The following KDR variants were observed in gnomAD, a reference collection of about 807,000 sequenced individuals.
KDR encodes the protein kinase insert domain receptor, also known as vascular endothelial growth factor receptor 2.
Under a neutral mutation model 160.9 loss-of-function variants are expected in KDR, and 43 were observed. That is an observed-to-expected ratio of 0.27 (90% CI 0.21 to 0.34). The LOEUF is 0.34. Ranked by LOEUF, KDR falls within the 10% of genes least tolerant of loss-of-function variation. KDR has a pLI of 1.00. For synonymous variants in KDR, 617 were observed against 600.1 expected (o/e 1.03, Z -0.41); for missense variants, 1,469 against 1,666.4 (o/e 0.88, Z 2.06).
intron 5 of KDR, 127 bp from the exon 6 acceptor site, chr4:55,114,392 C>A: frequency 1.0e-6 from 1 of 968,286 alleles, no homozygotes; most frequent in Non-Finnish European, 1.6e-6. Flanking sequence ...CAGGCCTCAC[C>A]AATACTTGGT....
chr4:55,089,745 T>C lies in KDR; in HGVS notation c.3250A>G (p.Ile1084Val). The C allele has an allele frequency of 1.2e-6, 2 of 1,614,116 alleles. No individual in the cohort carries two copies. Among genetic ancestry groups the C allele is most frequent in the Non-Finnish European group, 1.7e-6 (2 of 1,179,994 alleles). ...PETIFDRVYT[I>V]QSDVWSFGVL... ...CCAAAAGACCAGACGTCACTCTGGATTGTGTACACTCTGTCAAAAATTGTT... is the reference window on the plus strand; with the variant it reads ...CCAAAAGACCAGACGTCACTCTGGACTGTGTACACTCTGTCAAAAATTGTT... The change falls in exon 24 of 30, where the codon ATC becomes GTC. Residue 1084 changes from isoleucine to valine, a missense_variant. Around this residue, in one of 7 missense-constraint regions of KDR, gnomAD observed 132 missense variants for 195.9 expected, o/e 0.67. Coordinates refer to ENST00000263923, the MANE Select transcript of KDR (RefSeq NM_002253.4).
intron 9 of KDR, among the ~76,000 whole-genome samples, chr4:55,108,289 TG>T (rs956073992): frequency 5.3e-5 from 8 of 152,102 alleles, no homozygotes; most frequent in Non-Finnish European, 1.2e-4. Context: ...AATGACTTTA[TG>T]GAAGTGTTGA....
Position 55,114,994 on chromosome 4 carries a change from C to T in KDR, c.538G>A (p.Asp180Asn). Reference sequence around the variant, plus strand: ...GGAATAGTAAAGCCCTTCTTGCTGTCCCAGGAAATTCTGTTACCATCAGGA... The same window carrying T: ...GGAATAGTAAAGCCCTTCTTGCTGTTCCAGGAAATTCTGTTACCATCAGGA... ...FVPDGNRISW[D>N]SKKGFTIPSY... Residue 180 changes from aspartate to asparagine, a missense_variant, in exon 5 of 30, where the codon GAC (aspartate) becomes AAC (asparagine). By Grantham distance (23) the Asp-to-Asn change is conservative (BLOSUM62 1). Around this residue, in one of 7 missense-constraint regions of KDR, gnomAD observed 792 missense variants for 840.9 expected, o/e 0.94. Transcript: ENST00000263923. The T allele has an allele frequency of 6.2e-7, 1 of 1,613,770 alleles. No homozygotes were observed. Among genetic ancestry groups the T allele is most frequent in the Non-Finnish European group, 8.5e-7 (1 of 1,179,764 alleles).
At chr4:55,112,770 T>C (rs1385844758) in intron 7 of KDR, among the ~76,000 whole-genome samples, 5 of 152,090 alleles carry the variant, frequency 3.3e-5, no homozygotes, top group African/African-American at 1.2e-4. Flanking sequence ...TCTCAGGTGA[T>C]CCACCCACCT....
rs1721002157 is a variant in KDR at position 55,125,257 on chromosome 4, G to A, written c.37C>T (p.Leu13Phe). 6.2e-7 allele frequency: 1 copy of A among 1,612,992 alleles called. No homozygotes were observed. Among genetic ancestry groups the A allele is most frequent in the Non-Finnish European group, 8.5e-7 (1 of 1,179,742 alleles). The change falls in exon 1 of 30, where the codon CTC becomes TTC. Residue 13 changes from leucine to phenylalanine, a missense_variant. Physicochemically the swap from Leu to Phe is conservative, Grantham distance 22. Around this residue, in one of 7 missense-constraint regions of KDR, gnomAD observed 792 missense variants for 840.9 expected, o/e 0.94. Coordinates refer to ENST00000263923, the MANE Select transcript of KDR (RefSeq NM_002253.4). ...SKVLLAVALW[L>F]CVETRAASVG... ...GAGGCGGCCCGGGTCTCCACGCAGA[G>A]CCACAGGGCGACGGCCAGCAGCACC...
Position 55,087,495 on chromosome 4 carries a change from T to C in KDR, c.3662+112A>G, listed in dbSNP as rs542569626. ...TGTTAACCTCAGGGCTAAGGTTATG[T>C]GGAAGTGGGATGCAACAGCCTTAGA... On this transcript the variant is annotated intron_variant, in intron 27 of 29. Coordinates refer to ENST00000263923, the MANE Select transcript of KDR (RefSeq NM_002253.4). 3.2e-6 allele frequency: 3 copies of C among 931,698 alleles called. No individual in the cohort carries two copies. In the East Asian group the frequency reaches 7.6e-5, roughly 24 times the overall value. The allele number at this position is 931,698 out of a possible 1,614,324, so 57.7% of individuals were successfully genotyped here.
chr4:55,082,443 G>T (rs561517653), intron 28 of KDR, 93 bp downstream of exon 28: 1 of 958,312 alleles, frequency 1.0e-6, no homozygotes, highest in South Asian at 1.3e-5. Context: ...TTCTAATGAG[G>T]CTCCAAAACT....
intron 28 of KDR, among the ~76,000 whole-genome samples, chr4:55,082,298 T>C (rs544967680): frequency 6.6e-6 from 1 of 152,356 alleles, no homozygotes; most frequent in South Asian, 2.1e-4. Context: ...GTCTTCACTA[T>C]GACACTACTT....
intron 27 of KDR, among the ~76,000 whole-genome samples, chr4:55,087,153 C>T (rs559389934): frequency 2.6e-5 from 4 of 152,282 alleles, no homozygotes; most frequent in Non-Finnish European, 5.9e-5. Context: ...AGTCTAATTC[C>T]GGACACAGAC....
Position 55,125,578 on chromosome 4 carries a change from G to A in KDR, c.-285C>T. 1.7e-6 allele frequency: 1 copy of A among 575,924 alleles called. No homozygotes were observed. The highest frequency in any genetic ancestry group is 3.1e-6 in the Non-Finnish European group (1 of 320,266). The allele number at this position is 575,924 out of a possible 1,614,324, so 35.7% of individuals were successfully genotyped here. A position where few individuals can be genotyped will look rare whatever the true frequency, so the allele number is the denominator to read the frequency against. On this transcript the variant is annotated 5_prime_UTR_variant, in exon 1 of 30. Coordinates refer to ENST00000263923, the MANE Select transcript of KDR (RefSeq NM_002253.4). ...GCGACCACACATTGACCGCTCTCCC[G>A]GGGTCCCGGGACTCAGTGCAGGGTG...
At position 55,100,639 on chromosome 4, in the gene KDR, T is replaced by A. The variant is rs116609440; in HGVS notation, c.2266+1258A>T. ...CACTTTGGAAATGACAAAACCGCCA[T>A]GGTCTTTGAAATCTTTATTTGCAAG... On this transcript the variant is annotated intron_variant, in intron 15 of 29. Transcript: ENST00000263923. Among the ~76,000 whole-genome samples, 931 of 152,326 alleles carry A rather than the reference T, an allele frequency of 6.1e-3. 9 individuals carry two copies. Among genetic ancestry groups the A allele is most frequent in the African/African-American group, 0.021 (861 of 41,568 alleles).
intron 13 of KDR, 88 bp from the exon 14 acceptor site, chr4:55,102,596 T>G: frequency 1.4e-6 from 2 of 1,446,826 alleles, no homozygotes; most frequent in Non-Finnish European, 1.9e-6. Context: ...CAGTTTAAAT[T>G]TAGTAAAAAG....
At chr4:55,098,561 G>C in intron 16 of KDR, 136 bp downstream of exon 16, 1 of 767,980 alleles carries the variant, frequency 1.3e-6, no homozygotes. Context: ...AAGTGGGCAG[G>C]AACGTTATTG....
At position 55,105,862 on chromosome 4, in the gene KDR, C is replaced by A. The variant is rs55716939; in HGVS notation, c.1615G>T (p.Gly539Ter). ...ACGTGGAAGGAGATCACCCTCTCTC[C>A]TCTCCCGACTTTGTTGACCGCTTCA... Reference protein sequence around the residue: ...KCEAVNKVGRGERVISFHVTR... With the variant: ...KCEAVNKVGR The change falls in exon 12 of 30, where the codon GGA (glycine) becomes TGA (stop). Residue 539 changes from glycine (G) to a stop codon, truncating the protein, a stop_gained. Transcript: ENST00000263923. LOFTEE classifies it high-confidence loss of function. 1 of 1,612,834 alleles carries A rather than the reference C, an allele frequency of 6.2e-7. No homozygotes were observed. Among genetic ancestry groups the A allele is most frequent in the Non-Finnish European group, 8.5e-7 (1 of 1,178,998 alleles).
At chr4:55,124,875 G>T (rs12502008) in intron 1 of KDR, among the ~76,000 whole-genome samples, 52,412 of 151,950 alleles carry the variant, frequency 0.34, 9,742 homozygotes, top group East Asian at 0.58. Flanking sequence ...TTCACCGCCT[G>T]TTCTCGCCTG....
chr4:55,080,280 G>A (rs936945102), intron 29 of KDR, 117 bp from the exon 30 acceptor site: 25 of 834,514 alleles, frequency 3.0e-5, no homozygotes, highest in Non-Finnish European at 4.4e-5. Flanking sequence ...CCGCAGCCCC[G>A]TATCTCTCCC....
intron 15 of KDR, among the ~76,000 whole-genome samples, chr4:55,099,928 T>C (rs939829219): frequency 6.6e-6 from 1 of 152,072 alleles, no homozygotes; most frequent in African/African-American, 2.4e-5. Flanking sequence ...GAGTTTCAAA[T>C]CACTCATGAA....
At position 55,079,550 on chromosome 4, in the gene KDR, G is replaced by A. The variant is rs572528074; in HGVS notation, c.*391C>T. On this transcript the variant is annotated 3_prime_UTR_variant, in exon 30 of 30. Transcript: ENST00000263923. ...AAATCCTTCCCATCTTCAACACCTCGAACACTTACATTGCCTGGTTTATCT... is the reference window on the plus strand; with the variant it reads ...AAATCCTTCCCATCTTCAACACCTCAAACACTTACATTGCCTGGTTTATCT... The A allele has an allele frequency of 5.3e-6, 2 of 375,800 alleles. No homozygotes were observed. Among genetic ancestry groups the A allele is most frequent in the Admixed American group, 4.0e-5 (1 of 25,166 alleles). The allele number at this position is 375,800 out of a possible 1,614,324, so 23.3% of individuals were successfully genotyped here.
At position 55,088,850 on chromosome 4, in the gene KDR, T is replaced by G. The variant is rs750225075; in HGVS notation, c.3510+18A>C. 3 of 1,570,644 alleles carry G rather than the reference T, an allele frequency of 1.9e-6. No individual in the cohort carries two copies. The highest frequency in any genetic ancestry group is 2.6e-6 in the Non-Finnish European group (3 of 1,140,398). On this transcript the variant is annotated intron_variant, in intron 26 of 29. Coordinates refer to ENST00000263923, the MANE Select transcript of KDR (RefSeq NM_002253.4). ...CTAAGTACTCTTTGTAGGTGCTTCT[T>G]GGATGGAGGTGACAAACCTGCTGAG...
Sources: gnomAD v4.1 joint callset for allele counts (sites outside exome capture counted in the v4.1 genomes callset) on GRCh38, gnomAD v4.1.1 for gene constraint, gnomAD v4.1.1 regional missense constraint, MANE v1.5 for transcripts, NCBI Gene and HGNC (gene_info 2026-07-23, HGNC 2026-07-21) for gene names.